The following DSE variants were observed in gnomAD, a reference collection of about 807,000 sequenced individuals.
DSE encodes the protein dermatan sulfate epimerase.
A neutral mutation model predicts 84.4 loss-of-function variants in DSE; 36 were observed. The ratio of observed to expected loss-of-function variants is 0.43; its 90% CI spans 0.33 to 0.56. The LOEUF (loss-of-function observed/expected upper bound fraction) is 0.56. DSE is among the 20% of genes least tolerant of loss of function. The probability of loss-of-function intolerance (pLI) is 0.06; values close to 1 mark genes in which losing one functional copy is unlikely to be tolerated. For missense variants in DSE, 862 were observed against 1,169.6 expected, an observed-to-expected ratio of 0.74 and a Z score of 3.84; for synonymous variants, 410 against 430.1, an observed-to-expected ratio of 0.95 and a Z score of 0.58.
intron 1 of DSE, among the ~76,000 whole-genome samples, chr6:116,389,663 G>C (rs1473855074): frequency 6.6e-6 from 1 of 152,152 alleles, no homozygotes; most frequent in Non-Finnish European, 1.5e-5. Context: ...GTATAGGGTT[G>C]AGATTTAGCT....
rs1309155448 is a variant in DSE at position 116,428,978 on chromosome 6, C to T, written c.671-1976C>T. Among the ~76,000 whole-genome samples the T allele has an allele frequency of 4.6e-5, 7 of 152,236 alleles. No homozygotes were observed. In the South Asian group the frequency reaches 1.5e-3, roughly 32 times the overall value. ...TACAAAGTATTTTGGTAGACATTGC[C>T]TCATGTCTTCTGAAGAGGGTTGTTG... On this transcript the variant is annotated intron_variant, in intron 3 of 5. Coordinates refer to ENST00000644252, the MANE Select transcript of DSE (RefSeq NM_013352.4).
At chr6:116,258,733 A>G (rs775801785) in exon 2 of DSE, 23 of 1,608,140 alleles carry the variant, frequency 1.4e-5, no homozygotes, top group African/African-American at 2.7e-5. Context: ...GGCGCACCCA[A>G]TGCGTGTGGA....
chr6:116,295,102 C>G (rs1374062774), intron 2 of DSE, among the ~76,000 whole-genome samples: 1 of 152,122 alleles, frequency 6.6e-6, no homozygotes, highest in African/African-American at 2.4e-5. Context: ...CAAGTACAAG[C>G]TGAACACAGA....
intron 1 of DSE, chr6:116,258,311 T>C: frequency 2.1e-6 from 1 of 467,994 alleles, no homozygotes. Flanking sequence ...CCACCGGACC[T>C]GGCCAGATAT....
intron 1 of DSE, among the ~76,000 whole-genome samples, chr6:116,397,146 A>G (rs1781300581): frequency 1.3e-5 from 2 of 151,022 alleles, no homozygotes; most frequent in Admixed American, 1.3e-4. Flanking sequence ...TTAGACTTTT[A>G]GGGACTTAAT....
intron 2 of DSE, among the ~76,000 whole-genome samples, chr6:116,414,139 A>C (rs1167223594): frequency 6.6e-6 from 1 of 152,120 alleles, no homozygotes; most frequent in East Asian, 1.9e-4. Flanking sequence ...TAGGTGGCTT[A>C]AACCAACAGA....
intron 1 of DSE, among the ~76,000 whole-genome samples, chr6:116,373,295 G>A (rs181205103): frequency 6.6e-6 from 1 of 152,206 alleles, no homozygotes; most frequent in African/African-American, 2.4e-5. Context: ...CCCAGGAAGC[G>A]GAGGTTGCAG....
intron 2 of DSE, among the ~76,000 whole-genome samples, chr6:116,301,049 T>C (rs1315065551): frequency 6.6e-6 from 1 of 152,098 alleles, no homozygotes; most frequent in African/African-American, 2.4e-5. Context: ...ATACAAAACA[T>C]GGAAGAAGGT....
intron 2 of DSE, among the ~76,000 whole-genome samples, chr6:116,309,564 T>C (rs976886835): frequency 3.3e-5 from 5 of 152,244 alleles, no homozygotes; most frequent in Admixed American, 6.5e-5. Context: ...ACAATAGTTA[T>C]TGTCTGTTTG....
intron 2 of DSE, among the ~76,000 whole-genome samples, chr6:116,289,068 C>G (rs1239809684): frequency 6.6e-6 from 1 of 151,710 alleles, no homozygotes; most frequent in African/African-American, 2.4e-5. Context: ...AAATAAGTTA[C>G]AAAAATCTGA....
At chr6:116,291,041 T>C (rs1774251033) in intron 2 of DSE, among the ~76,000 whole-genome samples, 1 of 152,108 alleles carries the variant, frequency 6.6e-6, no homozygotes, top group Non-Finnish European at 1.5e-5. Flanking sequence ...CTTTCCAAAC[T>C]CTCTAAATTC....
intron 1 of DSE, among the ~76,000 whole-genome samples, chr6:116,374,977 A>G (rs991414660): frequency 2.0e-4 from 30 of 152,306 alleles, no homozygotes; most frequent in African/African-American, 5.5e-4. Context: ...TCATGGGATT[A>G]TGTTATCTTC....
intron 1 of DSE, chr6:116,254,488 T>C (rs1772061847): frequency 3.7e-6 from 1 of 270,056 alleles, no homozygotes; most frequent in South Asian, 3.3e-5. Flanking sequence ...GATTCATGGC[T>C]ATTACCAAAG....
intron 2 of DSE, among the ~76,000 whole-genome samples, chr6:116,297,420 A>G (rs1416740658): frequency 6.6e-5 from 10 of 151,990 alleles, no homozygotes; most frequent in African/African-American, 2.2e-4. Context: ...CTACCTCCAC[A>G]TGAGTGCCTC....
At chr6:116,292,769 G>C (rs1774370628) in intron 2 of DSE, among the ~76,000 whole-genome samples, 1 of 152,120 alleles carries the variant, frequency 6.6e-6, no homozygotes, top group African/African-American at 2.4e-5. Context: ...ACCTTTAAAA[G>C]GAATAAATTG....
chr6:116,293,960 A>G (rs1409230052), intron 2 of DSE, among the ~76,000 whole-genome samples: 1 of 152,172 alleles, frequency 6.6e-6, no homozygotes, highest in East Asian at 1.9e-4. Flanking sequence ...TGTTTTTAAA[A>G]TATATATACA....
chr6:116,321,750 G>C (rs979409914), intron 2 of DSE, among the ~76,000 whole-genome samples: 1 of 152,102 alleles, frequency 6.6e-6, no homozygotes. Context: ...CTCCAGCCCG[G>C]GTGGACAGTG....
chr6:116,338,094 G>A (rs1212376715), intron 2 of DSE, among the ~76,000 whole-genome samples: 2 of 151,014 alleles, frequency 1.3e-5, no homozygotes, highest in Non-Finnish European at 2.9e-5. Context: ...CAGGAGCTTT[G>A]TTATTCTTCA....
intron 2 of DSE, among the ~76,000 whole-genome samples, chr6:116,408,438 A>G (rs1297710543): frequency 6.6e-6 from 1 of 152,216 alleles, no homozygotes; most frequent in Non-Finnish European, 1.5e-5. Context: ...CTAATTAATT[A>G]TATTGAATGA....
Sources: gnomAD v4.1 joint callset for allele counts (sites outside exome capture counted in the v4.1 genomes callset) on GRCh38, gnomAD v4.1.1 for gene constraint, MANE v1.5 for transcripts, NCBI Gene and HGNC (gene_info 2026-07-23, HGNC 2026-07-21) for gene names.